LETMD1: variants seen among roughly 807,000 people sequenced by gnomAD.
The protein encoded by LETMD1 is LETM1 domain containing 1.
A neutral mutation model predicts 43.9 loss-of-function variants in LETMD1; 30 were observed. The ratio of observed to expected loss-of-function variants is 0.68; its 90% CI spans 0.51 to 0.93. The LOEUF (loss-of-function observed/expected upper bound fraction) is 0.93. LETMD1 is among the 40% of genes least tolerant of loss of function. LETMD1 has a pLI of 0.00. For synonymous variants in LETMD1, 176 were observed against 163.1 expected (o/e 1.08, Z -0.60); for missense variants, 413 against 447.7 (o/e 0.92, Z 0.70).
the LETMD1 span, among the ~76,000 whole-genome samples, chr12:51,068,403 C>T: frequency 6.6e-6 from 1 of 152,166 alleles, no homozygotes. Context: ...CCACACACCT[C>T]GGCCTCCCAA....
intron 3 of LETMD1, among the ~76,000 whole-genome samples, chr12:51,053,257 T>C (rs113142233): frequency 6.6e-6 from 1 of 152,162 alleles, no homozygotes; most frequent in African/African-American, 2.4e-5. Context: ...TTTGGTATAA[T>C]GTCAGGCTCT....
intron 2 of LETMD1, among the ~76,000 whole-genome samples, chr12:51,051,261 A>G (rs1476565501): frequency 1.3e-5 from 2 of 151,500 alleles, no homozygotes; most frequent in Admixed American, 6.6e-5. Flanking sequence ...AAAATTAGCC[A>G]GGTGTGGTGA....
At chr12:51,055,099 CA>C (rs1041813906) in intron 4 of LETMD1, among the ~76,000 whole-genome samples, 3 of 144,366 alleles carry the variant, frequency 2.1e-5, no homozygotes, top group African/African-American at 5.1e-5. Context: ...GACTCTGTCT[CA>C]AAAAAAAAAC....
chr12:51,063,811 T>C, downstream of LETMD1: 1 of 1,609,104 alleles, frequency 6.2e-7, no homozygotes, highest in Non-Finnish European at 8.5e-7. Context: ...TGCTGGGAGG[T>C]CTTCACCATC....
chr12:51,066,928 GT>G, the LETMD1 span, among the ~76,000 whole-genome samples: 2 of 151,692 alleles, frequency 1.3e-5, no homozygotes, highest in African/African-American at 4.8e-5. Flanking sequence ...CCAGGCTCAA[GT>G]GATCCTCCTC....
chr12:51,050,301 C>T (rs926432725), intron 2 of LETMD1, among the ~76,000 whole-genome samples: 1 of 151,292 alleles, frequency 6.6e-6, no homozygotes, highest in African/African-American at 2.4e-5. Context: ...CGGTTCACTG[C>T]AACCTCTGCT....
chr12:51,065,247 C>A (rs1301041573), downstream of LETMD1, among the ~76,000 whole-genome samples: 2 of 152,176 alleles, frequency 1.3e-5, no homozygotes, highest in South Asian at 2.1e-4. Context: ...TTTTTAGCTA[C>A]CTGCTTTATT....
At chr12:51,068,753 T>C in the LETMD1 span, among the ~76,000 whole-genome samples, 1 of 151,976 alleles carries the variant, frequency 6.6e-6, no homozygotes, top group African/African-American at 2.4e-5. Context: ...CCCTTCAACT[T>C]GCACCCACTG....
chr12:51,052,709 AG>A (rs1464971909), intron 3 of LETMD1, among the ~76,000 whole-genome samples: 3 of 152,020 alleles, frequency 2.0e-5, no homozygotes, highest in African/African-American at 7.2e-5. Context: ...TGAACCCGGG[AG>A]GCAGAGGTTG....
At position 51,053,776 on chromosome 12, in the gene LETMD1, A is replaced by G. The variant is rs1226788193; in HGVS notation, c.391-2A>G. Reference sequence around the variant, plus strand: ...ACTGCATCTGTGTTTATTTCTGCTTAGTTCCGCCAAGACGTCACCAAGTGT... The same window carrying G: ...ACTGCATCTGTGTTTATTTCTGCTTGGTTCCGCCAAGACGTCACCAAGTGT... On this transcript the variant is annotated splice_acceptor_variant, in intron 3 of 8. Transcript: ENST00000262055. LOFTEE classifies it high-confidence loss of function. The G allele has an allele frequency of 6.2e-7, 1 of 1,607,022 alleles. No individual in the cohort carries two copies. Among genetic ancestry groups the G allele is most frequent in the Non-Finnish European group, 8.5e-7 (1 of 1,176,160 alleles).
At chr12:51,049,226 T>G (rs1291510246) in intron 2 of LETMD1, 41 bp downstream of exon 2, 2 of 1,573,270 alleles carry the variant, frequency 1.3e-6, no homozygotes, top group Non-Finnish European at 1.7e-6. Context: ...AATCAGCTCT[T>G]GGGCAGGGTC....
intron 4 of LETMD1, 25 bp from the exon 5 acceptor site, chr12:51,055,810 A>G: frequency 6.4e-7 from 1 of 1,551,254 alleles, no homozygotes; most frequent in Non-Finnish European, 8.7e-7. Context: ...TCAGCAAGTG[A>G]GTTTGTGATT....
chr12:51,048,490 G>A lies in LETMD1; in HGVS notation c.122+12G>A, dbSNP rs773328149. ...TGGGGGGCCCCTCGGTGAGGGACCT[G>A]TAGCGAGAAAAGCATTTTTGACGTC... On this transcript the variant is annotated intron_variant, in intron 1 of 8. Coordinates refer to ENST00000262055, the MANE Select transcript of LETMD1 (RefSeq NM_015416.5). The A allele has an allele frequency of 6.2e-7, 1 of 1,612,216 alleles. No homozygotes were observed. Among genetic ancestry groups the A allele is most frequent in the South Asian group, 1.1e-5 (1 of 91,078 alleles).
Position 51,056,155 on chromosome 12 carries a change from T to C in LETMD1, c.672T>C (p.Gly224=). 3 of 1,614,204 alleles carry C rather than the reference T, an allele frequency of 1.9e-6. No individual in the cohort carries two copies. Among genetic ancestry groups the C allele is most frequent in the Non-Finnish European group, 2.5e-6 (3 of 1,180,022 alleles). Residue 224 remains glycine, a synonymous_variant, in exon 6 of 9, where the codon GGT becomes GGC. Transcript: ENST00000262055. Reference sequence around the variant, plus strand: ...TTACCTCTTCCAAGATACAGCGTGGTACCCACCCAGCAATACATGATATCT... The same window carrying C: ...TTACCTCTTCCAAGATACAGCGTGGCACCCACCCAGCAATACATGATATCT... The part of the protein sequence containing the change: ...LTDLCTKIQR[G]THPAIHDILA...
rs779537525 is a variant in LETMD1, at chr12:51,055,839, C to T, written c.478C>T (p.Leu160=). Residue 160 remains leucine (L), a synonymous_variant, in exon 5 of 9, where the codon CTG becomes TTG. Coordinates refer to ENST00000262055, the MANE Select transcript of LETMD1 (RefSeq NM_015416.5). ...ANYLVFLLMY[L]FPRQLLIRHF... Reference sequence around the variant, plus strand: ...TGTGATTCTTTCTCCTTTCAGGTACCTGTTTCCCAGGCAACTACTGATCAG... The same window carrying T: ...TGTGATTCTTTCTCCTTTCAGGTACTTGTTTCCCAGGCAACTACTGATCAG... The T allele has an allele frequency of 1.2e-5, 19 of 1,596,090 alleles. No individual in the cohort carries two copies. Among genetic ancestry groups the T allele is most frequent in the Non-Finnish European group, 1.5e-5 (17 of 1,171,202 alleles).
downstream of LETMD1, chr12:51,064,258 C>G (rs1368007163): frequency 2.5e-6 from 4 of 1,612,890 alleles, no homozygotes; most frequent in South Asian, 4.4e-5. Context: ...GCTGTAAGGC[C>G]TGGGCACAGC....
intron 8 of LETMD1, chr12:51,058,370 C>T: frequency 1.9e-6 from 1 of 513,934 alleles, no homozygotes; most frequent in Non-Finnish European, 3.5e-6. Flanking sequence ...GTGAATTTTC[C>T]AACCTTGGCA....
chr12:51,060,761 G>A (rs1303197232), downstream of LETMD1, among the ~76,000 whole-genome samples: 1 of 152,108 alleles, frequency 6.6e-6, no homozygotes, highest in Non-Finnish European at 1.5e-5. Context: ...AATTAGCCAG[G>A]CGTGGTGGTG....
chr12:51,052,055 A>T, intron 2 of LETMD1, 37 bp from the exon 3 acceptor site: 1 of 1,583,120 alleles, frequency 6.3e-7, no homozygotes. Context: ...TTAAACTGGG[A>T]TAACATCACA....
Sources: gnomAD v4.1 joint callset for allele counts (sites outside exome capture counted in the v4.1 genomes callset) on GRCh38, gnomAD v4.1.1 for gene constraint, MANE v1.5 for transcripts, NCBI Gene and HGNC (gene_info 2026-07-23, HGNC 2026-07-21) for gene names.